Variants in CYRIB observed in about 807,000 individuals in gnomAD.
The protein encoded by CYRIB is CYFIP related Rac1 interactor B.
A neutral mutation model predicts 44.2 loss-of-function variants in CYRIB; 8 were observed. That is an observed-to-expected ratio of 0.18 (90% CI 0.11 to 0.33). The LOEUF is 0.33. Among genes scored for constraint, CYRIB ranks in the 10% least tolerant of loss-of-function variants. The probability of loss-of-function intolerance (pLI) is 1.00; values close to 1 mark genes in which losing one functional copy is unlikely to be tolerated. For synonymous variants in CYRIB, 131 were observed against 127.2 expected (o/e 1.03, Z -0.20); for missense variants, 185 against 382.8 (o/e 0.48, Z 4.31).
chr8:129,933,613 C>T (rs997529666), intron 1 of CYRIB, among the ~76,000 whole-genome samples: 12 of 152,068 alleles, frequency 7.9e-5, no homozygotes, highest in East Asian at 1.9e-4. Flanking sequence ...CGGTGGCTCG[C>T]GCACCTGTGA....
intron 1 of CYRIB, among the ~76,000 whole-genome samples, chr8:129,939,275 G>C (rs2093368164): frequency 1.3e-5 from 2 of 151,180 alleles, no homozygotes; most frequent in Non-Finnish European, 3.0e-5. Flanking sequence ...GGGAAGGGAC[G>C]AGCCAACGAG....
At chr8:129,976,124 C>T (rs1261689857) in intron 1 of CYRIB, among the ~76,000 whole-genome samples, 2 of 152,224 alleles carry the variant, frequency 1.3e-5, no homozygotes, top group Non-Finnish European at 2.9e-5. Context: ...ACTCCTTCCC[C>T]TCAGTGGATT....
At chr8:130,013,969 C>T (rs979005932) in intron 1 of CYRIB, among the ~76,000 whole-genome samples, 13 of 152,194 alleles carry the variant, frequency 8.5e-5, no homozygotes, top group African/African-American at 1.2e-4. Context: ...GACCACTCAG[C>T]GTCTGCAAGA....
chr8:129,978,813 G>T (rs2096073992), intron 1 of CYRIB, among the ~76,000 whole-genome samples: 1 of 152,164 alleles, frequency 6.6e-6, no homozygotes, highest in African/African-American at 2.4e-5. Context: ...ACACGTGCAT[G>T]CACACGAACA....
chr8:129,870,363 T>C (rs984999832), intron 4 of CYRIB, among the ~76,000 whole-genome samples: 2 of 152,226 alleles, frequency 1.3e-5, no homozygotes, highest in African/African-American at 4.8e-5. Context: ...TGAGCTGTGG[T>C]TGCACCACTG....
chr8:129,889,967 T>C (rs2064468294), intron 2 of CYRIB, among the ~76,000 whole-genome samples: 1 of 151,904 alleles, frequency 6.6e-6, no homozygotes, highest in African/African-American at 2.4e-5. Flanking sequence ...AGAGATAGGG[T>C]TTCACCATAA....
At chr8:129,861,562 C>T (rs1313069291) in intron 5 of CYRIB, among the ~76,000 whole-genome samples, 1 of 151,868 alleles carries the variant, frequency 6.6e-6, no homozygotes, top group Non-Finnish European at 1.5e-5. Context: ...CCTCAGCCTC[C>T]AGAGTAGATG....
chr8:129,945,545 T>C (rs577671846), intron 2 of CYRIB, among the ~76,000 whole-genome samples: 2 of 152,250 alleles, frequency 1.3e-5, no homozygotes, highest in African/African-American at 4.8e-5. Context: ...CCACTGTACC[T>C]TGAGTTTCTT....
At chr8:129,851,194 T>G (rs2043063353) in intron 8 of CYRIB, 1 of 367,962 alleles carries the variant, frequency 2.7e-6, no homozygotes, top group South Asian at 3.2e-5. Flanking sequence ...GGTGTAGAGT[T>G]TTATAGGCTA....
In CYRIB at chr8:129,945,437, G is replaced by A. The variant is rs575091881; in HGVS notation, c.-243+25506C>T. ...TTTCCCCCACAAGTTTGTTAACTCAGAGAAAACTTGTAAAATGCTAGGGAC... is the reference window on the plus strand; with the variant it reads ...TTTCCCCCACAAGTTTGTTAACTCAAAGAAAACTTGTAAAATGCTAGGGAC... On this transcript the variant is annotated intron_variant, in intron 2 of 14. Transcript: ENST00000401979. Among the ~76,000 whole-genome samples, 70 of 152,302 alleles carry A rather than the reference G, an allele frequency of 4.6e-4. No homozygotes were observed. The South Asian group carries it at 0.01, about 22-fold the overall frequency.
chr8:129,853,854 G>A (rs2044671494), intron 7 of CYRIB, among the ~76,000 whole-genome samples: 1 of 152,106 alleles, frequency 6.6e-6, no homozygotes, highest in Non-Finnish European at 1.5e-5. Context: ...ATTTCTTGGA[G>A]GAAAACGGAC....
chr8:130,010,369 C>T (rs771855405), intron 1 of CYRIB, among the ~76,000 whole-genome samples: 5 of 152,204 alleles, frequency 3.3e-5, no homozygotes, highest in Non-Finnish European at 7.3e-5. Context: ...GCTCAGGAGC[C>T]AGAGGCCTAG....
In CYRIB at chr8:129,890,985, G is replaced by A. The variant is rs1284867350; in HGVS notation, c.-10-11514C>T. On this transcript the variant is annotated intron_variant, in intron 2 of 11. Transcript: ENST00000519824. The stretch of plus-strand genomic sequence containing the variant: ...AATGTCACCAAAAGGAAATGAAAAG[G>A]TGGGAAGAAGAAAAACAAAGGGATC... Among the ~76,000 whole-genome samples, 6 of 152,240 alleles carry A rather than the reference G, an allele frequency of 3.9e-5. No homozygotes were observed. In the South Asian group the frequency reaches 1.2e-3, roughly 32 times the overall value.
chr8:129,916,727 A>C (rs1023143609), intron 1 of CYRIB, among the ~76,000 whole-genome samples: 2 of 152,226 alleles, frequency 1.3e-5, no homozygotes, highest in Non-Finnish European at 2.9e-5. Flanking sequence ...ATCCAATAGT[A>C]CACTGCTACT....
chr8:130,002,658 A>G (rs554199128), intron 1 of CYRIB, among the ~76,000 whole-genome samples: 10 of 152,296 alleles, frequency 6.6e-5, no homozygotes, highest in African/African-American at 2.2e-4. Flanking sequence ...TAAATGACAG[A>G]TGGTTTTCTA....
At chr8:129,889,867 G>C (rs1304643912) in intron 2 of CYRIB, among the ~76,000 whole-genome samples, 1 of 151,308 alleles carries the variant, frequency 6.6e-6, no homozygotes, top group Non-Finnish European at 1.5e-5. Context: ...CTCAGCTCTC[G>C]GGTTCAAGCA....
rs375225777 is a variant in CYRIB at position 129,925,896 on chromosome 8, A to G, written c.-50+13712T>C. Among the ~76,000 whole-genome samples, 3 of 152,244 alleles carry G rather than the reference A, an allele frequency of 2.0e-5. No individual in the cohort carries two copies. The South Asian group carries it at 6.2e-4, about 32-fold the overall frequency. ...AGGAAAGAGGTTAGGAAAGACTCCTAGAATACCAACAACTGGGTTAAAAAA... is the reference window on the plus strand; with the variant it reads ...AGGAAAGAGGTTAGGAAAGACTCCTGGAATACCAACAACTGGGTTAAAAAA... On this transcript the variant is annotated intron_variant, in intron 1 of 11. Transcript: ENST00000519824.
chr8:129,915,993 G>A (rs1357246037), intron 1 of CYRIB, among the ~76,000 whole-genome samples: 1 of 152,066 alleles, frequency 6.6e-6, no homozygotes, highest in African/African-American at 2.4e-5. Flanking sequence ...AGCCCATAGA[G>A]ACAAAAGTTT....
At chr8:129,892,716 A>G (rs1030985255) in intron 2 of CYRIB, among the ~76,000 whole-genome samples, 2 of 152,230 alleles carry the variant, frequency 1.3e-5, no homozygotes, top group Non-Finnish European at 2.9e-5. Flanking sequence ...TTAGTCTGAC[A>G]TTCCTTCTGA....
Sources: allele counts gnomAD v4.1 joint callset (sites outside exome capture counted in the v4.1 genomes callset), GRCh38; gene constraint gnomAD v4.1.1; transcripts MANE v1.5; gene names NCBI Gene and HGNC (gene_info 2026-07-23, HGNC 2026-07-21).